The following MGA variants were observed in gnomAD, a reference collection of about 807,000 sequenced individuals.
The protein encoded by MGA is MAX dimerization protein MGA.
A neutral mutation model predicts 261.1 loss-of-function variants in MGA; 40 were observed. The ratio of observed to expected loss-of-function variants is 0.15; its 90% CI spans 0.12 to 0.20. The LOEUF is 0.20. Ranked by LOEUF, MGA falls within the 10% of genes least tolerant of loss-of-function variation. The probability of loss-of-function intolerance (pLI) is 1.00; values close to 1 mark genes in which losing one functional copy is unlikely to be tolerated. For synonymous variants in MGA, 1,302 were observed against 1,290.6 expected (o/e 1.01, Z -0.19); for missense variants, 3,397 against 3,630.5 (o/e 0.94, Z 1.65).
intron 1 of MGA, among the ~76,000 whole-genome samples, chr15:41,643,896 A>G (rs2056878523): frequency 6.6e-6 from 1 of 152,050 alleles, no homozygotes; most frequent in Non-Finnish European, 1.5e-5. Flanking sequence ...AATCATTGCT[A>G]AATCCAAGGT....
At chr15:41,653,047 A>G (rs1413178614) in intron 1 of MGA, among the ~76,000 whole-genome samples, 1 of 152,098 alleles carries the variant, frequency 6.6e-6, no homozygotes, top group African/African-American at 2.4e-5. Context: ...TATGTTCTCT[A>G]TTTCCATACA....
chr15:41,627,627 G>C (rs1392613801), intron 1 of MGA, among the ~76,000 whole-genome samples: 1 of 152,118 alleles, frequency 6.6e-6, no homozygotes, highest in African/African-American at 2.4e-5. Flanking sequence ...AATATCTGTT[G>C]ATATTCTACA....
chr15:41,732,018 T>A (rs1336826701), intron 11 of MGA, among the ~76,000 whole-genome samples: 1 of 152,174 alleles, frequency 6.6e-6, no homozygotes, highest in African/African-American at 2.4e-5. Context: ...ATTGCACACA[T>A]GAGGCAATAA....
At chr15:41,714,089 T>C (rs370121763) in intron 9 of MGA, among the ~76,000 whole-genome samples, 8 of 152,212 alleles carry the variant, frequency 5.3e-5, no homozygotes, top group East Asian at 3.8e-4. Context: ...TTTGTTCAAA[T>C]GTATTGAAAT....
rs759249220 is a variant in MGA, at chr15:41,749,386, G to A, written c.5779G>A (p.Gly1927Arg). ...TGAAACCAAAATAACTTATAGCTCA[G>A]GAGGACAGCCTGTTGGTACAGCCAG... The change falls in exon 17 of 24, where the codon GGA becomes AGA. Residue 1927 changes from glycine to arginine, a missense_variant. Transcript: ENST00000219905. 8 of 1,614,002 alleles carry A rather than the reference G, an allele frequency of 5.0e-6. 1 individual carries two copies. The South Asian group carries it at 8.8e-5, about 18-fold the overall frequency.
At chr15:41,700,822 C>G (rs1457898864) in intron 5 of MGA, among the ~76,000 whole-genome samples, 1 of 152,086 alleles carries the variant, frequency 6.6e-6, no homozygotes, top group Non-Finnish European at 1.5e-5. Flanking sequence ...GAATTTTTGA[C>G]TCATTAATTT....
intron 1 of MGA, among the ~76,000 whole-genome samples, chr15:41,664,368 A>C (rs562949413): frequency 6.6e-6 from 1 of 152,230 alleles, no homozygotes; most frequent in East Asian, 1.9e-4. Context: ...TGTCAACTGC[A>C]TCTTTGACAT....
At chr15:41,638,913 A>C (rs1647550501) in intron 1 of MGA, among the ~76,000 whole-genome samples, 1 of 151,252 alleles carries the variant, frequency 6.6e-6, no homozygotes, top group Admixed American at 6.6e-5. Flanking sequence ...GTTTTGCCTT[A>C]TTGCCCAGGC....
At chr15:41,753,970 G>A (rs1297696734) in intron 17 of MGA, among the ~76,000 whole-genome samples, 1 of 152,024 alleles carries the variant, frequency 6.6e-6, no homozygotes. Context: ...CCAGGCTGGT[G>A]TGCAGTGGTG....
chr15:41,732,956 CTTTTCTT>C (rs1409303031), intron 11 of MGA, among the ~76,000 whole-genome samples: 1 of 152,030 alleles, frequency 6.6e-6, no homozygotes, highest in South Asian at 2.1e-4. Context: ...TATTCCTCTA[CTTTTCTT>C]TTTTCTTTTT....
chr15:41,642,168 G>T (rs1400225429), intron 1 of MGA, among the ~76,000 whole-genome samples: 1 of 152,092 alleles, frequency 6.6e-6, no homozygotes, highest in African/African-American at 2.4e-5. Context: ...ATCTCATTTG[G>T]TTTTGATTTG....
At chr15:41,712,813 T>TTA (rs991373920) in intron 8 of MGA, among the ~76,000 whole-genome samples, 24 of 152,230 alleles carry the variant, frequency 1.6e-4, no homozygotes, top group African/African-American at 5.5e-4. Context: ...TGTGTATGAA[T>TTA]TAGCCTGGTT....
intron 1 of MGA, among the ~76,000 whole-genome samples, chr15:41,653,736 A>G (rs1396833026): frequency 4.6e-5 from 7 of 152,022 alleles, no homozygotes; most frequent in Non-Finnish European, 7.4e-5. Context: ...AAAGAAAAAA[A>G]AAACCCTTTT....
intron 9 of MGA, among the ~76,000 whole-genome samples, chr15:41,723,362 T>C (rs922046513): frequency 1.3e-5 from 2 of 152,210 alleles, no homozygotes; most frequent in African/African-American, 4.8e-5. Flanking sequence ...GCTTCAATTC[T>C]ACTAGTCTCT....
chr15:41,674,017 G>A (rs564066376), intron 2 of MGA, among the ~76,000 whole-genome samples: 2 of 152,086 alleles, frequency 1.3e-5, no homozygotes, highest in East Asian at 3.9e-4. Context: ...TCAGCCTCCC[G>A]AGTAGCTGGG....
chr15:41,714,249 G>A (rs2060518468), intron 9 of MGA, among the ~76,000 whole-genome samples: 3 of 152,192 alleles, frequency 2.0e-5, no homozygotes, highest in African/African-American at 2.4e-5. Context: ...CCATCATAAC[G>A]TCATGTTCTG....
At chr15:41,628,331 C>G (rs1370252234) in intron 1 of MGA, among the ~76,000 whole-genome samples, 1 of 146,560 alleles carries the variant, frequency 6.8e-6, no homozygotes, top group Non-Finnish European at 1.5e-5. Context: ...CGTGCCACTG[C>G]TCTCCAGCCT....
intron 2 of MGA, among the ~76,000 whole-genome samples, chr15:41,688,263 A>G (rs977176138): frequency 3.3e-5 from 5 of 152,060 alleles, no homozygotes; most frequent in Non-Finnish European, 5.9e-5. Context: ...TTTAGTAGAG[A>G]TGGGGTTTCA....
intron 5 of MGA, among the ~76,000 whole-genome samples, chr15:41,702,288 A>T (rs893558325): frequency 3.7e-4 from 56 of 149,408 alleles, no homozygotes; most frequent in African/African-American, 1.2e-3. Context: ...GCGCCACCAC[A>T]CTCCAGCCTG....
Sources: allele counts gnomAD v4.1 joint callset (sites outside exome capture counted in the v4.1 genomes callset), GRCh38; gene constraint gnomAD v4.1.1; transcripts MANE v1.5; gene names NCBI Gene and HGNC (gene_info 2026-07-23, HGNC 2026-07-21).